Variants in MACF1 observed in about 807,000 individuals in gnomAD.
MACF1 encodes the protein microtubule actin crosslinking factor 1, also known as microtubule-actin cross-linking factor 1.
Under a neutral mutation model 854.8 loss-of-function variants are expected in MACF1, and 193 were observed. The ratio of observed to expected loss-of-function variants is 0.23; its 90% CI spans 0.20 to 0.25. MACF1 has a LOEUF of 0.25. Among genes scored for constraint, MACF1 ranks in the 10% least tolerant of loss-of-function variants. MACF1 has a pLI of 1.00. For synonymous variants in MACF1, 3,185 were observed against 3,226.7 expected (o/e 0.99, Z 0.44); for missense variants, 7,722 against 8,929.1 (o/e 0.86, Z 5.45).
At chr1:39,418,920 T>C (rs1643429848) in intron 58 of MACF1, among the ~76,000 whole-genome samples, 1 of 152,080 alleles carries the variant, frequency 6.6e-6, no homozygotes, top group Admixed American at 6.5e-5. Flanking sequence ...CTTTGGGAAA[T>C]TTTCTATTTT....
chr1:39,241,106 A>T (rs1644918010), intron 2 of MACF1, among the ~76,000 whole-genome samples: 1 of 151,204 alleles, frequency 6.6e-6, no homozygotes, highest in Admixed American at 6.6e-5. Flanking sequence ...TTGGCCAATG[A>T]ATCAATATCG....
At chr1:39,484,007 G>T (rs1645061644) in intron 99 of MACF1, among the ~76,000 whole-genome samples, 1 of 152,156 alleles carries the variant, frequency 6.6e-6, no homozygotes, top group African/African-American at 2.4e-5. Context: ...AAAAAAATTA[G>T]CTGGACGTGG....
chr1:39,250,843 G>C (rs1356048143), intron 3 of MACF1, among the ~76,000 whole-genome samples: 1 of 152,160 alleles, frequency 6.6e-6, no homozygotes, highest in African/African-American at 2.4e-5. Flanking sequence ...TCACCCACTT[G>C]TAGGCCTACT....
chr1:39,216,793 G>C (rs1345985850), intron 1 of MACF1, among the ~76,000 whole-genome samples: 1 of 151,950 alleles, frequency 6.6e-6, no homozygotes, highest in African/African-American at 2.4e-5. Context: ...GGCCTTTCCT[G>C]TAACCAACAA....
intron 52 of MACF1, chr1:39,373,156 A>G: frequency 6.4e-6 from 1 of 155,752 alleles, no homozygotes; most frequent in Non-Finnish European, 1.4e-5. Context: ...AATACAAAAA[A>G]TTAGCCAGGC....
chr1:39,182,107 C>T (rs688811), intron 2 of MACF1, among the ~76,000 whole-genome samples: 15,408 of 149,796 alleles, frequency 0.1, 2,125 homozygotes, highest in African/African-American at 0.32. Context: ...GCTGAGATGA[C>T]GCCATTGCAC....
intron 2 of MACF1, among the ~76,000 whole-genome samples, chr1:39,135,909 G>T (rs1288232196): frequency 6.6e-6 from 1 of 152,182 alleles, no homozygotes; most frequent in African/African-American, 2.4e-5. Flanking sequence ...TTTTGCAGAG[G>T]TCGAAGGCTG....
In MACF1 at chr1:39,380,134, A is replaced by G. The variant is rs1253319906; in HGVS notation, c.13519-110A>G. The G allele has an allele frequency of 9.5e-6, 10 of 1,051,356 alleles. No individual in the cohort carries two copies. The African/African-American group carries it at 1.3e-4, about 14-fold the overall frequency. The allele number at this position is 1,051,356 out of a possible 1,614,324, so 65.1% of individuals were successfully genotyped here. On this transcript the variant is annotated intron_variant, in intron 54 of 100. Transcript: ENST00000564288. Reference sequence around the variant, plus strand: ...CACCACTAAACAAGTCATTGATAGGATCCTAGTAGAGTCTATAATAACTGC... The same window carrying G: ...CACCACTAAACAAGTCATTGATAGGGTCCTAGTAGAGTCTATAATAACTGC...
At chr1:39,380,823 G>GT (rs1650118435) in intron 55 of MACF1, among the ~76,000 whole-genome samples, 1 of 152,014 alleles carries the variant, frequency 6.6e-6, no homozygotes. Context: ...GAGGCGAGAC[G>GT]ATTGCTTGAG....
At chr1:39,251,765 G>C in intron 3 of MACF1, 81 bp from the exon 4 acceptor site, 1 of 728,832 alleles carries the variant, frequency 1.4e-6, no homozygotes, top group Non-Finnish European at 1.9e-6. Flanking sequence ...TTTTTTAAGT[G>C]TTGCATTCAT....
intron 23 of MACF1, chr1:39,304,516 T>G: frequency 7.4e-7 from 1 of 1,352,096 alleles, no homozygotes; most frequent in Non-Finnish European, 1.0e-6. Context: ...GCATAATGCC[T>G]CCTTTGGTTA....
chr1:39,453,666 T>C, intron 87 of MACF1, 41 bp from the exon 88 acceptor site: 2 of 1,595,240 alleles, frequency 1.3e-6, no homozygotes, highest in Non-Finnish European at 1.7e-6. Flanking sequence ...GCTGCTAATG[T>C]AGACTTTTTA....
In MACF1 at chr1:39,292,638, G is replaced by C. The variant is rs560065700; in HGVS notation, c.1915-128G>C. 32 of 662,082 alleles carry C rather than the reference G, an allele frequency of 4.8e-5. No individual in the cohort carries two copies. The African/African-American group carries it at 5.5e-4, about 11-fold the overall frequency. 41.0% of individuals were successfully genotyped at this position (662,082 alleles called of 1,614,324 possible). A position where few individuals can be genotyped will look rare whatever the true frequency, so the allele number is the denominator to read the frequency against. On this transcript the variant is annotated intron_variant, in intron 16 of 100. Transcript: ENST00000564288. ...TATGACTCAGAAATTTGTTGTCTAA[G>C]CTTCTGTTTTCTTAGAGCAACCAAT...
At chr1:39,293,343 C>A in intron 17 of MACF1, 115 bp from the exon 18 acceptor site, 4 of 997,388 alleles carry the variant, frequency 4.0e-6, no homozygotes, top group Non-Finnish European at 4.4e-6. Context: ...GGGAAAAATC[C>A]AGAGATTAAG....
intron 6 of MACF1, among the ~76,000 whole-genome samples, chr1:39,278,525 A>C (rs570035645): frequency 1.3e-5 from 2 of 152,340 alleles, no homozygotes; most frequent in Non-Finnish European, 2.9e-5. Context: ...ATACAATATC[A>C]ATTAACTAAC....
At chr1:39,268,510 T>C in intron 6 of MACF1, 1 of 1,155,148 alleles carries the variant, frequency 8.7e-7, no homozygotes, top group African/African-American at 1.6e-5. Flanking sequence ...GTAAGATGGC[T>C]GTCTGAATCG....
At chr1:39,198,875 T>C (rs1276773015) in intron 2 of MACF1, among the ~76,000 whole-genome samples, 2 of 152,158 alleles carry the variant, frequency 1.3e-5, no homozygotes, top group African/African-American at 4.8e-5. Flanking sequence ...TATACTGTTG[T>C]TGAGATTCTT....
At chr1:39,134,996 A>G (rs1456088144) in intron 2 of MACF1, among the ~76,000 whole-genome samples, 1 of 152,106 alleles carries the variant, frequency 6.6e-6, no homozygotes, top group Non-Finnish European at 1.5e-5. Context: ...GTTTCTATGC[A>G]TTTGACTACT....
chr1:39,355,764 T>C (rs565117069), intron 44 of MACF1, among the ~76,000 whole-genome samples: 44 of 152,216 alleles, frequency 2.9e-4, no homozygotes, highest in South Asian at 1.2e-3. Flanking sequence ...GCGCCCAGCT[T>C]TTTTTTATTT....
Sources: allele counts gnomAD v4.1 joint callset (sites outside exome capture counted in the v4.1 genomes callset), GRCh38; gene constraint gnomAD v4.1.1; transcripts MANE v1.5; gene names NCBI Gene and HGNC (gene_info 2026-07-23, HGNC 2026-07-21).